Variants in UGP2 observed in about 807,000 individuals in gnomAD.
UGP2 encodes the protein UTP--glucose-1-phosphate uridylyltransferase.
A neutral mutation model predicts 49.0 loss-of-function variants in UGP2; 40 were observed. The ratio of observed to expected loss-of-function variants is 0.82; its 90% CI spans 0.63 to 1.06. UGP2 has a LOEUF of 1.06. Among genes scored for constraint, UGP2 ranks in the 50% least tolerant of loss-of-function variants. The pLI, the probability that UGP2 is intolerant of heterozygous loss-of-function variation, is 0.00. For synonymous variants in UGP2, 225 were observed against 213.0 expected, an observed-to-expected ratio of 1.06 and a Z score of -0.49; for missense variants, 460 against 603.5, an observed-to-expected ratio of 0.76 and a Z score of 2.49.
chr2:63,842,543 C>CT, intron 1 of UGP2: 2 of 1,522,388 alleles, frequency 1.3e-6, no homozygotes, highest in Non-Finnish European at 1.8e-6. Context: ...GTCAAGGTAC[C>CT]TGTGCGTGCA....
chr2:63,858,081 A>C, intron 3 of UGP2, 145 bp downstream of exon 3: 1 of 701,054 alleles, frequency 1.4e-6, no homozygotes, highest in South Asian at 1.9e-5. Flanking sequence ...CCTCATCCTG[A>C]AACTATGGAG....
chr2:63,884,063 G>T lies in UGP2; in HGVS notation c.545G>T (p.Arg182Leu). ...ATACTACAGAAGTACAATCATTGTC[G>T]TGTGAAAATCTACACTTTCAATCAA... The part of the protein sequence containing the change: ...KKILQKYNHC[R>L]VKIYTFNQSR... The change falls in exon 5 of 10, where the codon CGT becomes CTT. Residue 182 changes from arginine to leucine, a missense_variant. Transcript: ENST00000337130. 1.6e-5 allele frequency: 25 copies of T among 1,612,624 alleles called. No homozygotes were observed. The highest frequency in any genetic ancestry group is 2.1e-5 in the Non-Finnish European group (25 of 1,179,716).
chr2:63,848,363 AT>A (rs1180765407), intron 1 of UGP2, among the ~76,000 whole-genome samples: 6 of 152,182 alleles, frequency 3.9e-5, no homozygotes, highest in African/African-American at 1.4e-4. Flanking sequence ...CTTCTTAGAT[AT>A]TTATTTATTT....
intron 3 of UGP2, among the ~76,000 whole-genome samples, chr2:63,864,072 A>T (rs1670021348): frequency 6.6e-6 from 1 of 152,212 alleles, no homozygotes; most frequent in Non-Finnish European, 1.5e-5. Context: ...TTCCTTTTTT[A>T]AAACTTTGTA....
chr2:63,879,552 T>A (rs1349580156), intron 3 of UGP2, among the ~76,000 whole-genome samples: 4 of 152,194 alleles, frequency 2.6e-5, no homozygotes, highest in Non-Finnish European at 5.9e-5. Context: ...TACTTTATAG[T>A]ACGATTCAAT....
intron 3 of UGP2, among the ~76,000 whole-genome samples, chr2:63,877,726 G>C (rs1275016097): frequency 6.6e-6 from 1 of 151,844 alleles, no homozygotes; most frequent in Non-Finnish European, 1.5e-5. Context: ...GGGCGCGGTG[G>C]CTCACGCCTG....
intron 3 of UGP2, among the ~76,000 whole-genome samples, chr2:63,859,863 A>G (rs989414168): frequency 1.3e-5 from 2 of 152,234 alleles, no homozygotes; most frequent in African/African-American, 2.4e-5. Context: ...GAGGCAAAAA[A>G]TAAGTTTGCT....
chr2:63,871,057 A>G (rs1156782538), intron 3 of UGP2, among the ~76,000 whole-genome samples: 3 of 152,216 alleles, frequency 2.0e-5, no homozygotes, highest in Non-Finnish European at 2.9e-5. Flanking sequence ...AATACACATA[A>G]CATAAAATTT....
At chr2:63,871,305 T>G (rs1306118179) in intron 3 of UGP2, among the ~76,000 whole-genome samples, 1 of 152,188 alleles carries the variant, frequency 6.6e-6, no homozygotes, top group Non-Finnish European at 1.5e-5. Context: ...AGCCTTTTTT[T>G]TTTCCTCCTT....
intron 5 of UGP2, 93 bp downstream of exon 5, chr2:63,884,186 G>A: frequency 6.9e-7 from 1 of 1,450,860 alleles, no homozygotes; most frequent in Non-Finnish European, 9.3e-7. Flanking sequence ...AGATGTACAG[G>A]TACCAAATAT....
chr2:63,855,955 G>C, intron 1 of UGP2: 1 of 222,432 alleles, frequency 4.5e-6, no homozygotes, highest in Non-Finnish European at 9.1e-6. Flanking sequence ...AGCATTAAAA[G>C]TCTAGTCTGA....
chr2:63,848,337 A>G (rs947360224), intron 1 of UGP2, among the ~76,000 whole-genome samples: 1 of 152,202 alleles, frequency 6.6e-6, no homozygotes, highest in Non-Finnish European at 1.5e-5. Context: ...CACAATGACT[A>G]TTAACTGAAA....
At chr2:63,881,491 A>G (rs1047490186) in intron 3 of UGP2, among the ~76,000 whole-genome samples, 2 of 152,248 alleles carry the variant, frequency 1.3e-5, no homozygotes, top group African/African-American at 4.8e-5. Context: ...ATGTAACTGA[A>G]GAGTCAATTT....
chr2:63,889,994 G>A, intron 8 of UGP2, 87 bp from the exon 9 acceptor site: 2 of 1,040,694 alleles, frequency 1.9e-6, no homozygotes, highest in East Asian at 2.5e-5. Flanking sequence ...GGTTTCTACA[G>A]TTCAGTTAAA....
In UGP2 at chr2:63,885,862, A is replaced by G. The variant is rs750427438; in HGVS notation, c.849A>G (p.Thr283=). The G allele has an allele frequency of 6.3e-7, 1 of 1,596,686 alleles. No homozygotes were observed. The highest frequency in any genetic ancestry group is 8.5e-7 in the Non-Finnish European group (1 of 1,172,764). ...GKRCEFVMEV[T]NKTRADVKGG... ...GCTGTGAATTTGTCATGGAAGTCACAAATAAAACACGTGCAGATGTAAAGG... is the reference window on the plus strand; with the variant it reads ...GCTGTGAATTTGTCATGGAAGTCACGAATAAAACACGTGCAGATGTAAAGG... Residue 283 remains threonine (T), a synonymous_variant, in exon 6 of 10, where the codon ACA becomes ACG. Coordinates refer to ENST00000337130, the MANE Select transcript of UGP2 (RefSeq NM_006759.4).
rs375759755 is a variant in UGP2, at chr2:63,856,382, G to C, written c.96G>C (p.Val32=). The change falls in exon 2 of 10, where the codon GTG becomes GTC. Residue 32 remains valine (V), a synonymous_variant. Coordinates refer to ENST00000337130, the MANE Select transcript of UGP2 (RefSeq NM_006759.4). ...EVIRQELELS[V]KKELEKILTT... is the part of the protein sequence containing the mutation. ...TTCGGCAAGAGCTAGAATTATCTGT[G>C]AAGAAGGAACTAGAAAAAATACTCA... is the stretch of plus-strand genomic sequence containing the variant. 3.0e-5 allele frequency: 49 copies of C among 1,613,704 alleles called. No homozygotes were observed. In the African/African-American group the frequency reaches 6.1e-4, roughly 20 times the overall value.
At chr2:63,875,067 A>G (rs1050682524) in intron 3 of UGP2, among the ~76,000 whole-genome samples, 6 of 152,364 alleles carry the variant, frequency 3.9e-5, no homozygotes, top group African/African-American at 1.4e-4. Context: ...AATTTGTAGG[A>G]TCTTTCAAAT....
chr2:63,841,285 C>T (rs1343708922), upstream of UGP2: 1 of 151,628 alleles, frequency 6.6e-6, no homozygotes, highest in African/African-American at 2.4e-5. Context: ...CCGGCGACCC[C>T]CTGGATGAGT....
intron 1 of UGP2, among the ~76,000 whole-genome samples, chr2:63,850,929 A>G (rs142585978): frequency 1.3e-5 from 2 of 152,202 alleles, no homozygotes; most frequent in East Asian, 1.9e-4. Flanking sequence ...AGTATCTACT[A>G]TATCTCAGGC....
Sources: allele counts gnomAD v4.1 joint callset (sites outside exome capture counted in the v4.1 genomes callset), GRCh38; gene constraint gnomAD v4.1.1; transcripts MANE v1.5; gene names NCBI Gene and HGNC (gene_info 2026-07-23, HGNC 2026-07-21).